Variants in UTRN observed in about 807,000 individuals in gnomAD.
UTRN encodes dystrophin-related protein 1.
Under a neutral mutation model 463.9 loss-of-function variants are expected in UTRN, and 283 were observed. The ratio of observed to expected loss-of-function variants is 0.61; its 90% CI spans 0.55 to 0.67. The LOEUF is 0.67. Ranked by LOEUF, UTRN falls within the 30% of genes least tolerant of loss-of-function variation. The pLI, the probability that UTRN is intolerant of heterozygous loss-of-function variation, is 0.00. For missense variants in UTRN, 3,922 were observed against 4,084.3 expected, an observed-to-expected ratio of 0.96 and a Z score of 1.08; for synonymous variants, 1,442 against 1,431.5, an observed-to-expected ratio of 1.01 and a Z score of -0.17.
intron 15 of UTRN, 54 bp from the exon 16 acceptor site, chr6:144,447,548 A>G: frequency 6.3e-7 from 1 of 1,590,122 alleles, no homozygotes; most frequent in Non-Finnish European, 8.5e-7. Context: ...GCTGGGGAAC[A>G]GAAAGACAAA....
intron 51 of UTRN, among the ~76,000 whole-genome samples, chr6:144,666,345 A>G (rs548736068): frequency 6.6e-6 from 1 of 152,318 alleles, no homozygotes; most frequent in South Asian, 2.1e-4. Context: ...TTCCCCCATT[A>G]AACTTTTCAA....
intron 51 of UTRN, among the ~76,000 whole-genome samples, chr6:144,645,321 G>A (rs1404018006): frequency 6.6e-6 from 1 of 152,120 alleles, no homozygotes; most frequent in Non-Finnish European, 1.5e-5. Flanking sequence ...CAGTTCAATA[G>A]AATTGTATCT....
At chr6:144,517,058 C>A in intron 39 of UTRN, 110 bp downstream of exon 39, 1 of 961,356 alleles carries the variant, frequency 1.0e-6, no homozygotes, top group Non-Finnish European at 1.4e-6. Flanking sequence ...GTTGGAATAT[C>A]ATCTCCTCCT....
intron 9 of UTRN, among the ~76,000 whole-genome samples, chr6:144,433,133 C>T (rs1171757474): frequency 6.6e-6 from 1 of 152,158 alleles, no homozygotes; most frequent in Non-Finnish European, 1.5e-5. Flanking sequence ...CTTTTCCCCA[C>T]CTTTCCCCCC....
At chr6:144,403,035 C>T in intron 2 of UTRN, 88 bp from the exon 3 acceptor site, 1 of 1,232,790 alleles carries the variant, frequency 8.1e-7, no homozygotes, top group Non-Finnish European at 1.2e-6. Context: ...ATTTTAAACT[C>T]TCCAGGATAG....
At chr6:144,790,658 A>G (rs1776682187) in intron 62 of UTRN, among the ~76,000 whole-genome samples, 1 of 152,230 alleles carries the variant, frequency 6.6e-6, no homozygotes, top group Admixed American at 6.5e-5. Context: ...GTGGCACTTT[A>G]TCCAGAATTG....
chr6:144,577,344 C>T (rs1801537130), intron 51 of UTRN, 56 bp downstream of exon 51: 1 of 1,554,334 alleles, frequency 6.4e-7, no homozygotes, highest in African/African-American at 1.4e-5. Context: ...GCTTTTGATC[C>T]CTCTGCATGC....
chr6:144,401,745 A>G (rs1782954637), intron 2 of UTRN, among the ~76,000 whole-genome samples: 1 of 152,000 alleles, frequency 6.6e-6, no homozygotes, highest in Non-Finnish European at 1.5e-5. Flanking sequence ...TCCTTCCACA[A>G]GGGGGTAAGG....
intron 14 of UTRN, among the ~76,000 whole-genome samples, chr6:144,444,625 G>T (rs975564425): frequency 6.6e-6 from 1 of 152,142 alleles, no homozygotes; most frequent in Non-Finnish European, 1.5e-5. Context: ...GTACTTAGAA[G>T]ATATGCTATT....
At chr6:144,616,835 G>A (rs1483256841) in intron 51 of UTRN, among the ~76,000 whole-genome samples, 1 of 152,058 alleles carries the variant, frequency 6.6e-6, no homozygotes, top group Admixed American at 6.6e-5. Flanking sequence ...CTTGTGCCAG[G>A]TTCTATTCCA....
intron 50 of UTRN, among the ~76,000 whole-genome samples, chr6:144,560,404 GAA>G (rs146347299): frequency 0.027 from 4,131 of 152,186 alleles, 195 homozygotes; most frequent in African/African-American, 0.095. Context: ...CATATCAGAT[GAA>G]AGATACGGGG....
chr6:144,391,931 T>C lies in UTRN; in HGVS notation c.80-11192T>C, dbSNP rs117651670. On this transcript the variant is annotated intron_variant, in intron 2 of 74. Coordinates refer to ENST00000367545, the MANE Select transcript of UTRN (RefSeq NM_007124.3). ...CTGGGATTACAGGCGTGAGCCACTG[T>C]GCCCGACAGCTCTGTGTCCTTTTGA... 9.4e-3 allele frequency among the ~76,000 whole-genome samples: 1,427 copies of C among 152,376 alleles called. 23 individuals carry two copies. Among genetic ancestry groups the C allele is most frequent in the African/African-American group, 0.031 (1,299 of 41,590 alleles).
chr6:144,522,454 C>CTAT (rs1796191144), intron 40 of UTRN, among the ~76,000 whole-genome samples: 1 of 152,154 alleles, frequency 6.6e-6, no homozygotes, highest in African/African-American at 2.4e-5. Flanking sequence ...ACCTTCCTGT[C>CTAT]TTATAAACTA....
At chr6:144,392,908 A>G (rs1782063386) in intron 2 of UTRN, among the ~76,000 whole-genome samples, 1 of 152,198 alleles carries the variant, frequency 6.6e-6, no homozygotes. Flanking sequence ...CAAGAGGACA[A>G]TTTAAGAATG....
intron 31 of UTRN, among the ~76,000 whole-genome samples, chr6:144,490,493 G>A (rs1363436531): frequency 2.0e-5 from 3 of 152,198 alleles, no homozygotes; most frequent in Non-Finnish European, 2.9e-5. Context: ...TGTCAGTATC[G>A]TGTGGCTGAT....
chr6:144,368,991 T>C (rs184918315), intron 2 of UTRN, among the ~76,000 whole-genome samples: 40 of 152,336 alleles, frequency 2.6e-4, no homozygotes, highest in African/African-American at 8.4e-4. Flanking sequence ...TGAGACCTTA[T>C]AGAATTCTCT....
chr6:144,438,822 G>A lies in UTRN; in HGVS notation c.1319G>A (p.Arg440His), dbSNP rs761620103. Residue 440 changes from arginine (R) to histidine (H), a missense_variant, in exon 12 of 75, where the codon CGC becomes CAC. This residue lies in a region of UTRN where 2,349 missense variants were observed against 2,303.8 expected (regional missense o/e 1.02). Coordinates refer to ENST00000367545, the MANE Select transcript of UTRN (RefSeq NM_007124.3). Reference sequence around the variant, plus strand: ...GCCTGGTTAACACTCACAGAGGAGCGCATTCAGAAGATGGAAACTTGCCCC... The same window carrying A: ...GCCTGGTTAACACTCACAGAGGAGCACATTCAGAAGATGGAAACTTGCCCC... The part of the protein sequence containing the change: ...LSAWLTLTEE[R>H]IQKMETCPLD... 2.1e-5 allele frequency: 34 copies of A among 1,614,046 alleles called. No individual in the cohort carries two copies. The highest frequency in any genetic ancestry group is 1.1e-4 in the East Asian group (5 of 44,900).
At chr6:144,627,855 A>G (rs1776108517) in intron 51 of UTRN, among the ~76,000 whole-genome samples, 1 of 136,734 alleles carries the variant, frequency 7.3e-6, no homozygotes, top group Non-Finnish European at 1.5e-5. Flanking sequence ...GCTAGAGTGC[A>G]GTGGCATGAT....
chr6:144,305,302 T>C (rs532188191), intron 2 of UTRN, among the ~76,000 whole-genome samples: 3 of 152,288 alleles, frequency 2.0e-5, no homozygotes, highest in East Asian at 1.9e-4. Flanking sequence ...CCTGCAGAAA[T>C]TGCCCTGCAG....
Sources: gnomAD v4.1 joint callset for allele counts (sites outside exome capture counted in the v4.1 genomes callset) on GRCh38, gnomAD v4.1.1 for gene constraint, gnomAD v4.1.1 regional missense constraint, MANE v1.5 for transcripts, NCBI Gene and HGNC (gene_info 2026-07-23, HGNC 2026-07-21) for gene names.